The following ZFHX4 variants were observed in gnomAD, a reference collection of about 807,000 sequenced individuals.
ZFHX4 encodes zinc finger homeobox protein 4.
Under a neutral mutation model 267.6 loss-of-function variants are expected in ZFHX4, and 56 were observed. The observed-to-expected ratio is 0.21, with a 90% confidence interval of 0.17 to 0.26. The LOEUF (loss-of-function observed/expected upper bound fraction) is 0.26. Ranked by LOEUF, ZFHX4 falls within the 10% of genes least tolerant of loss-of-function variation. The probability of loss-of-function intolerance (pLI) is 1.00; values close to 1 mark genes in which losing one functional copy is unlikely to be tolerated. For synonymous variants in ZFHX4, 1,778 were observed against 1,665.6 expected (o/e 1.07, Z -1.64); for missense variants, 4,332 against 4,420.0 (o/e 0.98, Z 0.56).
chr8:76,818,455 G>A (rs1358133827), intron 4 of ZFHX4, among the ~76,000 whole-genome samples: 4 of 152,158 alleles, frequency 2.6e-5, no homozygotes, highest in African/African-American at 7.2e-5. Flanking sequence ...ATTCGATAAA[G>A]GAGAAAATAA....
At chr8:76,781,938 T>C (rs184246086) in intron 4 of ZFHX4, among the ~76,000 whole-genome samples, 4 of 152,090 alleles carry the variant, frequency 2.6e-5, no homozygotes, top group Admixed American at 2.6e-4. Context: ...ATAAAGTATA[T>C]TGAGTGTAGC....
At chr8:76,753,917 T>C (rs1420340460) in intron 3 of ZFHX4, among the ~76,000 whole-genome samples, 1 of 147,988 alleles carries the variant, frequency 6.8e-6, no homozygotes, top group Non-Finnish European at 1.5e-5. Context: ...CATGAGCCAC[T>C]GCATCCAGCC....
intron 4 of ZFHX4, among the ~76,000 whole-genome samples, chr8:76,808,177 T>G (rs1193625976): frequency 6.6e-6 from 1 of 152,108 alleles, no homozygotes; most frequent in Admixed American, 6.6e-5. Flanking sequence ...TGTTAGTCAA[T>G]AGAAGCCAAA....
At chr8:76,691,379 T>C (rs561119472) in intron 1 of ZFHX4, among the ~76,000 whole-genome samples, 1 of 152,168 alleles carries the variant, frequency 6.6e-6, no homozygotes, top group South Asian at 2.1e-4. Flanking sequence ...ATCATAATCA[T>C]AAACATGGTG....
In ZFHX4 at chr8:76,863,591, A is replaced by G; in HGVS notation, c.9877A>G (p.Met3293Val). 2 of 1,613,756 alleles carry G rather than the reference A, an allele frequency of 1.2e-6. No individual in the cohort carries two copies. The highest frequency in any genetic ancestry group is 1.7e-6 in the Non-Finnish European group (2 of 1,179,822). Residue 3293 changes from methionine to valine, a missense_variant, in exon 11 of 11, where the codon ATG becomes GTG. Coordinates refer to ENST00000651372, the MANE Select transcript of ZFHX4 (RefSeq NM_024721.5). Reference sequence around the variant, plus strand: ...GGGATACTTCCCACCTGTCTGTGGCATGGAGAGCCTCTTTCCTTATGGCCC... The same window carrying G: ...GGGATACTTCCCACCTGTCTGTGGCGTGGAGAGCCTCTTTCCTTATGGCCC... The part of the protein sequence containing the change: ...QGGYFPPVCG[M>V]ESLFPYGPTM...
At chr8:76,767,774 C>T (rs76426799) in intron 3 of ZFHX4, among the ~76,000 whole-genome samples, 1,550 of 152,204 alleles carry the variant, frequency 0.01, 26 homozygotes, top group African/African-American at 0.034. Flanking sequence ...AGTATGTTTC[C>T]TGTCATTAAA....
At chr8:76,831,066 G>A (rs1811921059) in intron 4 of ZFHX4, among the ~76,000 whole-genome samples, 1 of 152,092 alleles carries the variant, frequency 6.6e-6, no homozygotes, top group African/African-American at 2.4e-5. Flanking sequence ...ACCTCTTTAA[G>A]CTCTAGCTTC....
At chr8:76,794,547 T>C (rs1436244438) in intron 4 of ZFHX4, among the ~76,000 whole-genome samples, 2 of 152,126 alleles carry the variant, frequency 1.3e-5, no homozygotes, top group East Asian at 3.9e-4. Context: ...TGAACAGTAC[T>C]AGAATCAGAA....
chr8:76,747,082 T>C (rs2131697507), intron 3 of ZFHX4, among the ~76,000 whole-genome samples: 1 of 152,328 alleles, frequency 6.6e-6, no homozygotes, highest in Admixed American at 6.5e-5. Context: ...TCTCTAGTGA[T>C]TCACTGTATT....
At chr8:76,741,934 C>A (rs1563495507) in intron 3 of ZFHX4, among the ~76,000 whole-genome samples, 1 of 152,164 alleles carries the variant, frequency 6.6e-6, no homozygotes, top group African/African-American at 2.4e-5. Context: ...CATTTTTGGT[C>A]ATATTTTCCA....
At position 76,705,254 on chromosome 8, in the gene ZFHX4, C is replaced by T. The variant is rs771686821; in HGVS notation, c.1166C>T (p.Ser389Leu). ...FAFLKGSASTSSSAEQPLGIT... is the reference protein window; with the variant it reads ...FAFLKGSASTLSSAEQPLGIT... ...TTCTTAAAAGGAAGCGCGAGCACCTCGAGCTCAGCAGAGCAGCCGCTGGGG... is the reference window on the plus strand; with the variant it reads ...TTCTTAAAAGGAAGCGCGAGCACCTTGAGCTCAGCAGAGCAGCCGCTGGGG... Residue 389 changes from serine to leucine, a missense_variant, in exon 2 of 11, where the codon TCG becomes TTG. Physicochemically the swap from Ser to Leu is moderately radical, Grantham distance 145. Coordinates refer to ENST00000651372, the MANE Select transcript of ZFHX4 (RefSeq NM_024721.5). 21 of 1,613,990 alleles carry T rather than the reference C, an allele frequency of 1.3e-5. No individual in the cohort carries two copies. Among genetic ancestry groups the T allele is most frequent in the Non-Finnish European group, 1.8e-5 (21 of 1,179,886 alleles).
intron 1 of ZFHX4, among the ~76,000 whole-genome samples, chr8:76,697,104 T>C (rs921716952): frequency 2.0e-5 from 3 of 152,000 alleles, no homozygotes; most frequent in Admixed American, 1.3e-4. Flanking sequence ...TACTTAGTTA[T>C]AGTGGTTATG....
At chr8:76,765,173 T>C (rs1159548964) in intron 3 of ZFHX4, among the ~76,000 whole-genome samples, 1 of 152,192 alleles carries the variant, frequency 6.6e-6, no homozygotes, top group African/African-American at 2.4e-5. Flanking sequence ...TTCCACCTCA[T>C]TTAGTTGTGT....
intron 1 of ZFHX4, chr8:76,693,527 A>G (rs1865293): frequency 0.16 from 23,942 of 152,022 alleles, 2,921 homozygotes; most frequent in East Asian, 0.33. Context: ...GTGTGTGTGT[A>G]TGTGTGTGTG....
chr8:76,797,394 G>A (rs1428872376), intron 4 of ZFHX4, among the ~76,000 whole-genome samples: 1 of 152,152 alleles, frequency 6.6e-6, no homozygotes, highest in Non-Finnish European at 1.5e-5. Flanking sequence ...CCCAGAGTCT[G>A]GAAATGCAGA....
chr8:76,738,779 G>C (rs1809239865), intron 3 of ZFHX4, among the ~76,000 whole-genome samples: 2 of 150,156 alleles, frequency 1.3e-5, no homozygotes, highest in Admixed American at 6.7e-5. Flanking sequence ...TGTCACCCAG[G>C]CTGGAGTGCA....
chr8:76,846,504 G>A lies in ZFHX4; in HGVS notation c.3512-2491G>A, dbSNP rs141130263. ...TTGAATACTATAGCCAACAGTTGTT[G>A]CAACGGCCATGTGATAGTGACCCTA... On this transcript the variant is annotated intron_variant, in intron 6 of 10. Transcript: ENST00000651372. 2.0e-4 allele frequency among the ~76,000 whole-genome samples: 30 copies of A among 152,156 alleles called. No homozygotes were observed. The East Asian group carries it at 4.6e-3, about 23-fold the overall frequency.
rs1292019197 is a variant in ZFHX4, at chr8:76,863,893, T to C, written c.10179T>C (p.Thr3393=). The change falls in exon 11 of 11, where the codon ACT becomes ACC. Residue 3393 remains threonine (T), a synonymous_variant. Coordinates refer to ENST00000651372, the MANE Select transcript of ZFHX4 (RefSeq NM_024721.5). ...CCAAAAGTGCAGACTTTTCAGACACTTACGTTGTTCCATTCGTCAAGTATG... is the reference window on the plus strand; with the variant it reads ...CCAAAAGTGCAGACTTTTCAGACACCTACGTTGTTCCATTCGTCAAGTATG... ...LESKSADFSD[T]YVVPFVKYEF... The C allele has an allele frequency of 1.3e-5, 20 of 1,572,614 alleles. No homozygotes were observed. Among genetic ancestry groups the C allele is most frequent in the Non-Finnish European group, 1.6e-5 (19 of 1,158,158 alleles).
chr8:76,738,148 C>T (rs1457537723), intron 3 of ZFHX4, among the ~76,000 whole-genome samples: 7 of 152,092 alleles, frequency 4.6e-5, no homozygotes, highest in Non-Finnish European at 1.0e-4. Context: ...TTTAGTGGCA[C>T]ATGTATCCAA....
Sources: allele counts gnomAD v4.1 joint callset (sites outside exome capture counted in the v4.1 genomes callset), GRCh38; gene constraint gnomAD v4.1.1; transcripts MANE v1.5; gene names NCBI Gene and HGNC (gene_info 2026-07-23, HGNC 2026-07-21).